C6orf52: variants seen among roughly 807,000 people sequenced by gnomAD.
C6orf52 encodes the protein chromosome 6 open reading frame 52.
In C6orf52, 16 loss-of-function variants were observed where a neutral mutation model predicts 16.6. The ratio of observed to expected loss-of-function variants is 0.96; its 90% CI spans 0.65 to 1.46. The LOEUF (loss-of-function observed/expected upper bound fraction) is 1.46. C6orf52 is among the 40% of genes most tolerant of loss of function. The pLI, the probability that C6orf52 is intolerant of heterozygous loss-of-function variation, is 0.00. For synonymous variants in C6orf52, 53 were observed against 61.4 expected (o/e 0.86, Z 0.64); for missense variants, 166 against 182.3 (o/e 0.91, Z 0.52).
intron 3 of C6orf52, among the ~76,000 whole-genome samples, chr6:10,686,445 C>T (rs1444574398): frequency 6.6e-6 from 1 of 152,106 alleles, no homozygotes; most frequent in East Asian, 1.9e-4. Context: ...GGAACTTTTC[C>T]CTTACTTCAA....
chr6:10,690,335 G>A (rs758064958), intron 1 of C6orf52, among the ~76,000 whole-genome samples: 2 of 152,088 alleles, frequency 1.3e-5, no homozygotes, highest in African/African-American at 4.8e-5. Context: ...TTTCTATTGG[G>A]GCACACTACT....
At chr6:10,685,049 G>C in intron 3 of C6orf52, 1 of 344,828 alleles carries the variant, frequency 2.9e-6, no homozygotes, top group Non-Finnish European at 5.3e-6. Context: ...CAGAGGAATT[G>C]AGAGAAGGGG....
chr6:10,694,603 ACCGGCCG>A lies in C6orf52; in HGVS notation c.-128_-122del. ...CTGCCGGCGCTACAGCCCCTAAGCA[ACCGGCCG>A]GAAGTCGGCCCCACCTCCTCCTGAT... On this transcript the variant is annotated 5_prime_UTR_variant, in exon 1 of 5. Transcript: ENST00000259983. 5.6e-6 allele frequency: 1 copy of A among 179,128 alleles called. No homozygotes were observed. Among genetic ancestry groups the A allele is most frequent in the Admixed American group, 6.0e-5 (1 of 16,736 alleles). The allele number at this position is 179,128 out of a possible 1,614,324, so 11.1% of individuals were successfully genotyped here. A position where few individuals can be genotyped will look rare whatever the true frequency, so the allele number is the denominator to read the frequency against.
Position 10,694,600 on chromosome 6 carries a change from G to GTGTA in C6orf52, c.-119_-118insTACA. ...ACGCTGCCGGCGCTACAGCCCCTAA[G>GTGTA]CAACCGGCCGGAAGTCGGCCCCACC... On this transcript the variant is annotated 5_prime_UTR_variant, in exon 1 of 5. Coordinates refer to ENST00000259983, the MANE Select transcript of C6orf52 (RefSeq NM_001145020.3). 5.8e-6 allele frequency: 1 copy of GTGTA among 173,900 alleles called. No homozygotes were observed. The allele number at this position is 173,900 out of a possible 1,614,324, so 10.8% of individuals were successfully genotyped here.
chr6:10,672,547 C>A (rs1029753368), intron 4 of C6orf52: 3 of 700,520 alleles, frequency 4.3e-6, no homozygotes, highest in Non-Finnish European at 7.8e-6. Flanking sequence ...CAACTCATAC[C>A]TGTAACCCCA....
At chr6:10,694,681 T>C (rs73439096), upstream of C6orf52, 13,960 of 306,280 alleles carry the variant, frequency 0.046, 1,392 homozygotes, top group African/African-American at 0.24. Context: ...GCCCGCTCCC[T>C]TCAGACGGGC....
intron 1 of C6orf52, among the ~76,000 whole-genome samples, chr6:10,693,390 C>T (rs1769531516): frequency 6.6e-6 from 1 of 152,212 alleles, no homozygotes; most frequent in Non-Finnish European, 1.5e-5. Context: ...TTATCTATTT[C>T]TAACAATAAC....
intron 1 of C6orf52, among the ~76,000 whole-genome samples, chr6:10,692,237 G>T (rs1002080127): frequency 1.3e-5 from 2 of 152,054 alleles, no homozygotes; most frequent in African/African-American, 4.8e-5. Flanking sequence ...ATGCATAAAG[G>T]CACATTTTTA....
intron 1 of C6orf52, among the ~76,000 whole-genome samples, chr6:10,694,053 A>G (rs974209432): frequency 3.3e-5 from 5 of 152,098 alleles, no homozygotes; most frequent in East Asian, 1.9e-4. Flanking sequence ...TGCGGTCGGG[A>G]GTTCAAAACC....
Position 10,694,476 on chromosome 6 carries a change from A to C in C6orf52, c.-12+18T>G, listed in dbSNP as rs182850994. The C allele has an allele frequency of 1.2e-3, 183 of 155,026 alleles. No homozygotes were observed. Among genetic ancestry groups the C allele is most frequent in the East Asian group, 0.011 (57 of 5,190 alleles). 9.6% of individuals were successfully genotyped at this position (155,026 alleles called of 1,614,324 possible). A position where few individuals can be genotyped will look rare whatever the true frequency, so the allele number is the denominator to read the frequency against. ...GCTGGAACAAGTCACCGCGAACCCTAATCCCACCCCTCCTTACCCTATTAA... is the reference window on the plus strand; with the variant it reads ...GCTGGAACAAGTCACCGCGAACCCTCATCCCACCCCTCCTTACCCTATTAA... On this transcript the variant is annotated intron_variant, in intron 1 of 4. Coordinates refer to ENST00000259983, the MANE Select transcript of C6orf52 (RefSeq NM_001145020.3).
intron 3 of C6orf52, among the ~76,000 whole-genome samples, chr6:10,686,083 T>C (rs536080485): frequency 1.3e-5 from 2 of 152,198 alleles, no homozygotes; most frequent in South Asian, 2.1e-4. Context: ...CAGGCTGGAG[T>C]ACAATGGCAC....
chr6:10,678,136 C>T (rs1232482968), intron 4 of C6orf52, among the ~76,000 whole-genome samples: 1 of 145,864 alleles, frequency 6.9e-6, no homozygotes, highest in Non-Finnish European at 1.5e-5. Flanking sequence ...GTGAGCCGAG[C>T]TCAAACACCA....
chr6:10,679,651 T>C (rs1768203977), intron 4 of C6orf52, among the ~76,000 whole-genome samples: 1 of 151,992 alleles, frequency 6.6e-6, no homozygotes, highest in Non-Finnish European at 1.5e-5. Context: ...TATGCCTGTA[T>C]ATCACATCAT....
chr6:10,678,280 A>G (rs1314598520), intron 4 of C6orf52, among the ~76,000 whole-genome samples: 1 of 151,498 alleles, frequency 6.6e-6, no homozygotes, highest in African/African-American at 2.4e-5. Flanking sequence ...CATTGTTTTA[A>G]TCCATGAGCA....
chr6:10,694,128 C>T (rs984243915), intron 1 of C6orf52, among the ~76,000 whole-genome samples: 1 of 151,914 alleles, frequency 6.6e-6, no homozygotes, highest in Non-Finnish European at 1.5e-5. Flanking sequence ...GGCGTGGTGG[C>T]GTATGCCTGT....
intron 1 of C6orf52, among the ~76,000 whole-genome samples, chr6:10,690,752 G>A (rs75875830): frequency 2.0e-5 from 3 of 152,258 alleles, no homozygotes; most frequent in African/African-American, 7.2e-5. Context: ...ATATCCTCTC[G>A]TGCTTTAGTG....
chr6:10,680,647 T>C (rs1297886452), intron 4 of C6orf52, among the ~76,000 whole-genome samples: 1 of 152,006 alleles, frequency 6.6e-6, no homozygotes, highest in African/African-American at 2.4e-5. Flanking sequence ...ATTCCAGCCC[T>C]TGGGGAGGCA....
intron 1 of C6orf52, among the ~76,000 whole-genome samples, chr6:10,693,297 T>C (rs1413176741): frequency 6.6e-5 from 10 of 152,258 alleles, no homozygotes; most frequent in East Asian, 1.9e-4. Flanking sequence ...CCATCTGCAA[T>C]TGAGCACCCT....
intron 1 of C6orf52, among the ~76,000 whole-genome samples, chr6:10,693,725 TAAATA>T (rs1769565527): frequency 6.6e-6 from 1 of 151,990 alleles, no homozygotes; most frequent in Non-Finnish European, 1.5e-5. Context: ...TAAACCTTAT[TAAATA>T]AAACTTTTTT....
Sources: gnomAD v4.1 joint callset for allele counts (sites outside exome capture counted in the v4.1 genomes callset) on GRCh38, gnomAD v4.1.1 for gene constraint, MANE v1.5 for transcripts, NCBI Gene and HGNC (gene_info 2026-07-23, HGNC 2026-07-21) for gene names.